TRIM24: variants seen among roughly 807,000 people sequenced by gnomAD.
The protein encoded by TRIM24 is tripartite motif containing 24.
TRIM24 carries 29 observed loss-of-function variants against 123.9 expected under a neutral mutation model. The ratio of observed to expected loss-of-function variants is 0.23; its 90% CI spans 0.17 to 0.32. The LOEUF (loss-of-function observed/expected upper bound fraction) is 0.32. Among genes scored for constraint, TRIM24 ranks in the 10% least tolerant of loss-of-function variants. TRIM24 has a pLI of 1.00. For missense variants in TRIM24, 932 were observed against 1,295.3 expected (o/e 0.72, Z 4.31); for synonymous variants, 456 against 461.1 (o/e 0.99, Z 0.14).
intron 6 of TRIM24, among the ~76,000 whole-genome samples, chr7:138,530,089 T>A (rs1426555859): frequency 6.6e-6 from 1 of 152,196 alleles, no homozygotes; most frequent in African/African-American, 2.4e-5. Context: ...CATTCCTGTG[T>A]ATTATCAGCT....
chr7:138,539,823 CAG>C (rs1796967755), intron 7 of TRIM24, among the ~76,000 whole-genome samples: 1 of 126,368 alleles, frequency 7.9e-6, no homozygotes, highest in Admixed American at 9.4e-5. Flanking sequence ...TTTTTTGAGA[CAG>C]AGTCTCACTC....
chr7:138,580,903 A>T (rs574259839), intron 16 of TRIM24, among the ~76,000 whole-genome samples: 154 of 152,264 alleles, frequency 1.0e-3, no homozygotes, highest in Non-Finnish European at 1.5e-3. Flanking sequence ...TATTTTATAG[A>T]AGCTTATTGT....
chr7:138,577,676 A>C (rs908297523), intron 14 of TRIM24, 88 bp downstream of exon 14: 12 of 1,112,060 alleles, frequency 1.1e-5, no homozygotes, highest in Non-Finnish European at 1.4e-5. Flanking sequence ...TTTTTTTTTA[A>C]TGTTATATTT....
At chr7:138,500,856 A>G (rs1337287909) in intron 1 of TRIM24, among the ~76,000 whole-genome samples, 1 of 152,204 alleles carries the variant, frequency 6.6e-6, no homozygotes, top group Non-Finnish European at 1.5e-5. Flanking sequence ...CTCCTAGGCT[A>G]CAAATCTGCA....
chr7:138,514,102 T>C (rs1417679644), intron 2 of TRIM24, among the ~76,000 whole-genome samples: 1 of 152,148 alleles, frequency 6.6e-6, no homozygotes, highest in African/African-American at 2.4e-5. Context: ...TTGAAGATGA[T>C]AAGAGCAGAG....
At position 138,588,341 on chromosome 7, in the gene TRIM24, A is replaced by G. The variant is rs1798052111; in HGVS notation, c.*3390A>G. 1 of 152,240 alleles carries G rather than the reference A, an allele frequency of 6.6e-6. No homozygotes were observed. The highest frequency in any genetic ancestry group is 1.5e-5 in the Non-Finnish European group (1 of 68,044). 9.4% of individuals were successfully genotyped at this position (152,240 alleles called of 1,614,324 possible). A position where few individuals can be genotyped will look rare whatever the true frequency, so the allele number is the denominator to read the frequency against. On this transcript the variant is annotated 3_prime_UTR_variant, in exon 19 of 19. Transcript: ENST00000343526. Reference sequence around the variant, plus strand: ...AACAGGTTTTAGGTTTAAATTGAAGATACATTCATTTTATATGTATTTGTT... The same window carrying G: ...AACAGGTTTTAGGTTTAAATTGAAGGTACATTCATTTTATATGTATTTGTT...
intron 16 of TRIM24, among the ~76,000 whole-genome samples, chr7:138,581,403 CCTTTATAGA>C (rs1265237283): frequency 6.6e-6 from 1 of 152,174 alleles, no homozygotes; most frequent in Admixed American, 6.5e-5. Context: ...GTACGTTCTT[CCTTTATAGA>C]CTATTACTAA....
chr7:138,553,089 C>T (rs750943362), intron 8 of TRIM24, among the ~76,000 whole-genome samples: 1 of 152,130 alleles, frequency 6.6e-6, no homozygotes, highest in Non-Finnish European at 1.5e-5. Flanking sequence ...AAAACAAAAA[C>T]AGGATCTCCT....
intron 7 of TRIM24, among the ~76,000 whole-genome samples, chr7:138,547,032 G>A (rs1797115789): frequency 6.6e-6 from 1 of 152,158 alleles, no homozygotes; most frequent in African/African-American, 2.4e-5. Context: ...TGGAATCAGT[G>A]TAAGTATTCA....
intron 1 of TRIM24, among the ~76,000 whole-genome samples, chr7:138,486,255 A>G (rs1388919632): frequency 2.0e-5 from 3 of 152,048 alleles, no homozygotes; most frequent in Non-Finnish European, 4.4e-5. Flanking sequence ...CAGATAGGTA[A>G]ATTGCAAAAA....
At chr7:138,518,288 C>T (rs907106561) in intron 3 of TRIM24, among the ~76,000 whole-genome samples, 2 of 152,096 alleles carry the variant, frequency 1.3e-5, no homozygotes, top group African/African-American at 4.8e-5. Flanking sequence ...TAACACTGCA[C>T]TATACTATAT....
At chr7:138,576,836 G>A (rs10256953) in intron 13 of TRIM24, among the ~76,000 whole-genome samples, 1,891 of 152,264 alleles carry the variant, frequency 0.012, 32 homozygotes, top group African/African-American at 0.043. Flanking sequence ...TACAGTTATT[G>A]AAATTCTATA....
At chr7:138,504,430 C>A in intron 2 of TRIM24, 22 bp downstream of exon 2, 5 of 920,120 alleles carry the variant, frequency 5.4e-6, no homozygotes, top group Non-Finnish European at 6.3e-6. Context: ...ACATCTTGAA[C>A]CTTTTGCCTG....
chr7:138,543,468 A>G (rs1205293817), intron 7 of TRIM24, among the ~76,000 whole-genome samples: 2 of 152,182 alleles, frequency 1.3e-5, no homozygotes, highest in Non-Finnish European at 2.9e-5. Flanking sequence ...ATTATATTGT[A>G]TAACTCTGTT....
intron 11 of TRIM24, among the ~76,000 whole-genome samples, chr7:138,572,082 T>TAAAAG (rs1174187792): frequency 6.6e-6 from 1 of 152,364 alleles, no homozygotes. Flanking sequence ...AAATAACTTT[T>TAAAAG]TTATTTTCAT....
At chr7:138,525,450 G>A (rs1340739310) in intron 5 of TRIM24, 93 bp downstream of exon 5, 10 of 585,444 alleles carry the variant, frequency 1.7e-5, no homozygotes, top group Admixed American at 3.5e-5. Context: ...TAAGTAATAC[G>A]TTGTTAGATG....
At chr7:138,576,639 T>G (rs1026586548) in intron 13 of TRIM24, among the ~76,000 whole-genome samples, 194 bp downstream of exon 13, 1 of 152,136 alleles carries the variant, frequency 6.6e-6, no homozygotes, top group Non-Finnish European at 1.5e-5. Context: ...CCTTTGAAGA[T>G]AGAAGAATAT....
chr7:138,508,680 T>TGTGCGTGTGTGTGC (rs1554436592), intron 2 of TRIM24, among the ~76,000 whole-genome samples: 2 of 97,110 alleles, frequency 2.1e-5, no homozygotes, highest in Non-Finnish European at 4.2e-5. Flanking sequence ...TGTGTGTGTG[T>TGTGCGTGTGTGTGC]GTGTGTGTGT....
chr7:138,557,894 C>A (rs895103361), intron 9 of TRIM24, among the ~76,000 whole-genome samples: 6 of 152,176 alleles, frequency 3.9e-5, no homozygotes, highest in African/African-American at 7.2e-5. Flanking sequence ...GTACAGTATC[C>A]ATACATTCCA....
Sources: gnomAD v4.1 joint callset for allele counts (sites outside exome capture counted in the v4.1 genomes callset) on GRCh38, gnomAD v4.1.1 for gene constraint, MANE v1.5 for transcripts, NCBI Gene and HGNC (gene_info 2026-07-23, HGNC 2026-07-21) for gene names.